Variants in FANCA observed in about 807,000 individuals in gnomAD.
FANCA encodes FA complementation group A, also known as Fanconi anemia group A protein.
A neutral mutation model predicts 194.3 loss-of-function variants in FANCA; 236 were observed. That is an observed-to-expected ratio of 1.21 (90% CI 1.09 to 1.35). The LOEUF is 1.35. Among genes scored for constraint, FANCA ranks in the 40% most tolerant of loss-of-function variants. The pLI is 0.00. For synonymous variants in FANCA, 1,014 were observed against 715.8 expected (o/e 1.42, Z -6.65); for missense variants, 2,628 against 1,813.9 (o/e 1.45, Z -8.15).
intron 15 of FANCA, among the ~76,000 whole-genome samples, chr16:89,783,751 C>T (rs149548990): frequency 6.6e-6 from 1 of 151,932 alleles, no homozygotes; most frequent in African/African-American, 2.4e-5. Context: ...TCAAAGGGGA[C>T]AGAGGGGACA....
intron 11 of FANCA, chr16:89,792,748 G>C: frequency 1.9e-6 from 1 of 529,948 alleles, no homozygotes; most frequent in East Asian, 3.6e-5. Context: ...CGCGGAGACC[G>C]GTAGTGGCCC....
intron 28 of FANCA, among the ~76,000 whole-genome samples, chr16:89,763,420 G>A (rs1305967626): frequency 7.0e-6 from 1 of 142,628 alleles, no homozygotes; most frequent in Admixed American, 6.8e-5. Flanking sequence ...TCAATCTCCT[G>A]ACATCTCAGC....
intron 30 of FANCA, among the ~76,000 whole-genome samples, chr16:89,757,643 A>G (rs2038809549): frequency 6.6e-6 from 1 of 152,216 alleles, no homozygotes; most frequent in Non-Finnish European, 1.5e-5. Context: ...CAGCTGTAAC[A>G]CAACAGTGTG....
chr16:89,781,161 G>A (rs942231093), intron 17 of FANCA, among the ~76,000 whole-genome samples: 15 of 151,866 alleles, frequency 9.9e-5, no homozygotes, highest in African/African-American at 3.1e-4. Flanking sequence ...TCAGGAGACC[G>A]AGACCATCCT....
intron 8 of FANCA, among the ~76,000 whole-genome samples, chr16:89,800,576 A>C (rs948478603): frequency 6.6e-6 from 1 of 152,236 alleles, no homozygotes; most frequent in Non-Finnish European, 1.5e-5. Context: ...ATGGAACCAA[A>C]ATAGAACACA....
intron 3 of FANCA, among the ~76,000 whole-genome samples, chr16:89,813,949 T>C (rs1330226221): frequency 6.6e-6 from 1 of 152,182 alleles, no homozygotes; most frequent in Non-Finnish European, 1.5e-5. Flanking sequence ...GGAATGATAA[T>C]ATGCAATTTG....
chr16:89,768,295 A>G (rs184574110), intron 26 of FANCA, among the ~76,000 whole-genome samples: 2 of 152,352 alleles, frequency 1.3e-5, no homozygotes, highest in East Asian at 3.9e-4. Context: ...AAGGAAGCTC[A>G]GAATGAGATT....
intron 29 of FANCA, among the ~76,000 whole-genome samples, 184 bp downstream of exon 29, chr16:89,761,765 T>C (rs957498219): frequency 6.6e-6 from 1 of 152,142 alleles, no homozygotes; most frequent in Non-Finnish European, 1.5e-5. Flanking sequence ...CTGTGATGAC[T>C]GGAACGTGCC....
intron 8 of FANCA, among the ~76,000 whole-genome samples, chr16:89,800,461 A>G (rs886593546): frequency 1.3e-5 from 2 of 152,244 alleles, no homozygotes; most frequent in Non-Finnish European, 2.9e-5. Flanking sequence ...AAAAGGGAAT[A>G]AAAATTTGGG....
chr16:89,748,469 G>GTGCT (rs1322871732), intron 33 of FANCA, among the ~76,000 whole-genome samples, 190 bp downstream of exon 33: 1 of 152,240 alleles, frequency 6.6e-6, no homozygotes, highest in Non-Finnish European at 1.5e-5. Context: ...GTTTGGTGAT[G>GTGCT]TGCTGGTCGC....
intron 3 of FANCA, among the ~76,000 whole-genome samples, chr16:89,813,635 T>C (rs1416633148): frequency 2.0e-5 from 3 of 152,156 alleles, no homozygotes; most frequent in East Asian, 1.9e-4. Context: ...GGTTTCACCA[T>C]GTTGGCCAGG....
At chr16:89,785,025 G>C (rs1384383548) in intron 14 of FANCA, 61 bp from the exon 15 acceptor site, 1 of 1,179,664 alleles carries the variant, frequency 8.5e-7, no homozygotes, top group African/African-American at 1.5e-5. Flanking sequence ...CACCTAGGCA[G>C]TGTCCTGTGT....
At chr16:89,749,341 T>C (rs1179296042) in intron 32 of FANCA, among the ~76,000 whole-genome samples, 1 of 152,132 alleles carries the variant, frequency 6.6e-6, no homozygotes, top group Non-Finnish European at 1.5e-5. Flanking sequence ...GTCTCCCGAG[T>C]AGCTGGGATT....
At chr16:89,802,975 C>T (rs2040508396) in intron 8 of FANCA, among the ~76,000 whole-genome samples, 1 of 152,120 alleles carries the variant, frequency 6.6e-6, no homozygotes, top group East Asian at 1.9e-4. Context: ...TCTAATGTTC[C>T]ACAGCAGAGT....
At chr16:89,749,160 C>T (rs17233483) in intron 32 of FANCA, among the ~76,000 whole-genome samples, 1 of 152,126 alleles carries the variant, frequency 6.6e-6, no homozygotes. Flanking sequence ...GAACACTTTT[C>T]CCTACTTTCA....
At chr16:89,805,169 C>T (rs184249658) in intron 7 of FANCA, 111 bp downstream of exon 7, 59 of 823,658 alleles carry the variant, frequency 7.2e-5, no homozygotes, top group Non-Finnish European at 1.0e-4. Context: ...CAGGTTCCCA[C>T]GGCCACGGAG....
At chr16:89,779,151 G>A in intron 18 of FANCA, 148 bp from the exon 19 acceptor site, 1 of 793,774 alleles carries the variant, frequency 1.3e-6, no homozygotes, top group Non-Finnish European at 2.1e-6. Context: ...ACAGTTCCGG[G>A]ACAAGGCATG....
rs139250372 is a variant in FANCA, at chr16:89,742,059, G to A, written c.3765+741C>T. Among the ~76,000 whole-genome samples the A allele has an allele frequency of 6.2e-3, 940 of 152,024 alleles. 7 individuals are homozygous for A. The highest frequency in any genetic ancestry group is 0.026 in the South Asian group (123 of 4,812). ...TGGCTCACTGCAGCCTCTGCCCCCT[G>A]GGTTCAAGTGATCCTCCTGCCTCAG... On this transcript the variant is annotated intron_variant, in intron 37 of 42. Coordinates refer to ENST00000389301, the MANE Select transcript of FANCA (RefSeq NM_000135.4).
intron 14 of FANCA, 49 bp downstream of exon 14, chr16:89,791,354 G>A (rs773331217): frequency 2.1e-5 from 34 of 1,604,732 alleles, no homozygotes; most frequent in Non-Finnish European, 2.6e-5. Context: ...CCACTCCCAG[G>A]CCTTCTGGGA....
Sources: gnomAD v4.1 joint callset for allele counts (sites outside exome capture counted in the v4.1 genomes callset) on GRCh38, gnomAD v4.1.1 for gene constraint, MANE v1.5 for transcripts, NCBI Gene and HGNC (gene_info 2026-07-23, HGNC 2026-07-21) for gene names.